Variants in ABTB3 observed in about 807,000 individuals in gnomAD.
ABTB3 encodes the protein ankyrin repeat- and BTB/POZ domain-containing protein 3.
the ABTB3 span, among the ~76,000 whole-genome samples, chr12:107,392,737 T>C: frequency 3.3e-5 from 5 of 152,250 alleles, no homozygotes; most frequent in African/African-American, 1.2e-4. Context: ...CTGTAGGCTC[T>C]GTGAGGTGGG....
At chr12:107,587,872 G>A in the ABTB3 span, among the ~76,000 whole-genome samples, 1 of 152,202 alleles carries the variant, frequency 6.6e-6, no homozygotes, top group African/African-American at 2.4e-5. Context: ...AGTTCCCTAG[G>A]GCTGCAGTTA....
At chr12:107,391,717 A>G in the ABTB3 span, among the ~76,000 whole-genome samples, 1 of 152,168 alleles carries the variant, frequency 6.6e-6, no homozygotes, top group Non-Finnish European at 1.5e-5. Context: ...CTGAGTGTCA[A>G]TTTTGTGAAT....
chr12:107,594,017 T>C, the ABTB3 span, among the ~76,000 whole-genome samples: 9 of 152,188 alleles, frequency 5.9e-5, no homozygotes, highest in Admixed American at 1.3e-4. Context: ...ATTCAAGACC[T>C]GCAGCAACAC....
At chr12:107,349,566 GT>G in the ABTB3 span, among the ~76,000 whole-genome samples, 1 of 152,170 alleles carries the variant, frequency 6.6e-6, no homozygotes, top group African/African-American at 2.4e-5. Flanking sequence ...CTGAGTCTTT[GT>G]TTCTTCAGCT....
the ABTB3 span, among the ~76,000 whole-genome samples, chr12:107,360,774 A>G: frequency 6.6e-6 from 1 of 151,928 alleles, no homozygotes; most frequent in African/African-American, 2.4e-5. Context: ...TTTTTTCTGA[A>G]ACAAGGTCTC....
chr12:107,582,041 G>A, the ABTB3 span, among the ~76,000 whole-genome samples: 7 of 152,078 alleles, frequency 4.6e-5, no homozygotes, highest in Admixed American at 4.6e-4. Flanking sequence ...CCACTTGATG[G>A]GAAACTGCCT....
chr12:107,628,731 A>G, the ABTB3 span, among the ~76,000 whole-genome samples: 1 of 152,216 alleles, frequency 6.6e-6, no homozygotes. Context: ...CAGCACTTTC[A>G]TTCAACCTAA....
chr12:107,608,135 T>G, the ABTB3 span, among the ~76,000 whole-genome samples: 1 of 152,092 alleles, frequency 6.6e-6, no homozygotes, highest in African/African-American at 2.4e-5. Context: ...GCAAGGGTGG[T>G]GCATATCTGA....
the ABTB3 span, among the ~76,000 whole-genome samples, chr12:107,370,643 G>A: frequency 6.6e-6 from 1 of 152,146 alleles, no homozygotes; most frequent in African/African-American, 2.4e-5. Context: ...CCGTGCTCTG[G>A]ACTGGGTGGC....
the ABTB3 span, among the ~76,000 whole-genome samples, chr12:107,397,159 C>T: frequency 3.9e-5 from 6 of 152,312 alleles, no homozygotes; most frequent in Admixed American, 3.9e-4. Context: ...AATCACAGGG[C>T]GTGAACGTTT....
chr12:107,367,394 A>C, the ABTB3 span, among the ~76,000 whole-genome samples: 1 of 152,142 alleles, frequency 6.6e-6, no homozygotes, highest in African/African-American at 2.4e-5. Flanking sequence ...TTTGTTTTGG[A>C]TCTTGGATTC....
chr12:107,424,543 C>T, the ABTB3 span, among the ~76,000 whole-genome samples: 2 of 152,212 alleles, frequency 1.3e-5, no homozygotes, highest in Non-Finnish European at 2.9e-5. Context: ...AGCCCCAGCT[C>T]TGCTACTTAT....
the ABTB3 span, among the ~76,000 whole-genome samples, chr12:107,627,869 CT>C: frequency 6.6e-6 from 1 of 152,298 alleles, no homozygotes; most frequent in African/African-American, 2.4e-5. Flanking sequence ...TTTACTTGAT[CT>C]TTTTCTTAAA....
the ABTB3 span, among the ~76,000 whole-genome samples, chr12:107,505,863 C>T: frequency 2.0e-5 from 3 of 152,174 alleles, no homozygotes; most frequent in African/African-American, 7.2e-5. Flanking sequence ...GACATGATCT[C>T]ATTCTTTTTT....
the ABTB3 span, among the ~76,000 whole-genome samples, chr12:107,523,058 A>G: frequency 6.6e-6 from 1 of 152,332 alleles, no homozygotes; most frequent in African/African-American, 2.4e-5. Flanking sequence ...GATCACAGAA[A>G]TGCTAGATTG....
the ABTB3 span, chr12:107,319,956 C>A: frequency 4.4e-6 from 7 of 1,576,372 alleles, no homozygotes; most frequent in Non-Finnish European, 6.0e-6. Flanking sequence ...CACCACCATG[C>A]GCTCCACGAG....
the ABTB3 span, among the ~76,000 whole-genome samples, chr12:107,500,947 C>CT: frequency 6.6e-6 from 1 of 152,218 alleles, no homozygotes; most frequent in East Asian, 1.9e-4. Context: ...TGGCCCCCGC[C>CT]TTTCTCTGCA....
chr12:107,376,712 C>A, the ABTB3 span, among the ~76,000 whole-genome samples: 4 of 151,726 alleles, frequency 2.6e-5, no homozygotes, highest in Admixed American at 1.3e-4. Flanking sequence ...TGGCCCAGAG[C>A]AAACAGTTTT....
the ABTB3 span, among the ~76,000 whole-genome samples, chr12:107,474,061 G>A: frequency 1.3e-5 from 2 of 152,240 alleles, no homozygotes; most frequent in African/African-American, 4.8e-5. Flanking sequence ...TGGGATTACA[G>A]GCGTGAGCCA....
Sources: allele counts gnomAD v4.1 joint callset (sites outside exome capture counted in the v4.1 genomes callset), GRCh38; gene constraint gnomAD v4.1.1; transcripts MANE v1.5; gene names NCBI Gene and HGNC (gene_info 2026-07-23, HGNC 2026-07-21).